Variants in APBB2 observed in about 807,000 individuals in gnomAD.
APBB2 encodes the protein Fe65-like 1.
APBB2 carries 38 observed loss-of-function variants against 82.5 expected under a neutral mutation model. The ratio of observed to expected loss-of-function variants is 0.46; its 90% CI spans 0.36 to 0.60. The LOEUF (loss-of-function observed/expected upper bound fraction) is 0.60, where lower values mean the gene tolerates loss of function less well. Among genes scored for constraint, APBB2 ranks in the 20% least tolerant of loss-of-function variants. The probability of loss-of-function intolerance (pLI) is 0.00; values close to 1 mark genes in which losing one functional copy is unlikely to be tolerated. For synonymous variants in APBB2, 341 were observed against 368.2 expected (o/e 0.93, Z 0.85); for missense variants, 772 against 972.3 (o/e 0.79, Z 2.74).
intron 2 of APBB2, among the ~76,000 whole-genome samples, chr4:41,109,013 T>C (rs1006754051): frequency 2.0e-4 from 31 of 152,220 alleles, no homozygotes; most frequent in African/African-American, 7.2e-4. Flanking sequence ...TTTCCATCTA[T>C]GGTGCTCACT....
intron 1 of APBB2, among the ~76,000 whole-genome samples, chr4:41,159,946 A>AAGGAGGAGAAGGAGG (rs1309076701): frequency 2.1e-5 from 1 of 47,562 alleles, no homozygotes; most frequent in African/African-American, 9.2e-5. Context: ...GGAGGAGGAG[A>AAGGAGGAGAAGGAGG]AGGAGAAGGA....
rs115514425 is a variant in APBB2, at chr4:40,996,021, C to T, written c.835+17562G>A. Among the ~76,000 whole-genome samples the T allele has an allele frequency of 6.3e-3, 967 of 152,310 alleles. 16 individuals are homozygous for T. Among genetic ancestry groups the T allele is most frequent in the African/African-American group, 0.021 (859 of 41,562 alleles). ...TAGAGCCTCTTAGCTAGATTGTTGG[C>T]CACAGTTATTTCACTGAGGTTACAT... is the stretch of plus-strand genomic sequence containing the variant. On this transcript the variant is annotated intron_variant, in intron 6 of 17. Transcript: ENST00000508593.
At chr4:41,001,663 C>T (rs57851735) in intron 6 of APBB2, among the ~76,000 whole-genome samples, 5,101 of 152,094 alleles carry the variant, frequency 0.034, 147 homozygotes, top group African/African-American at 0.083. Context: ...GGATCACCTA[C>T]GGTCGGGAGT....
intron 4 of APBB2, among the ~76,000 whole-genome samples, chr4:41,055,512 C>T (rs1214928540): frequency 6.6e-6 from 1 of 152,154 alleles, no homozygotes; most frequent in Non-Finnish European, 1.5e-5. Context: ...CCCTCTATAC[C>T]ACCCACTCTT....
chr4:40,882,452 A>G (rs1047237322), intron 12 of APBB2, among the ~76,000 whole-genome samples: 1 of 152,196 alleles, frequency 6.6e-6, no homozygotes, highest in African/African-American at 2.4e-5. Flanking sequence ...GAATCTCTGA[A>G]GAAGCCGTGT....
chr4:41,208,127 C>G (rs894749793), intron 1 of APBB2, among the ~76,000 whole-genome samples: 7 of 152,164 alleles, frequency 4.6e-5, no homozygotes, highest in African/African-American at 1.4e-4. Flanking sequence ...AGGGACACAT[C>G]CCATACCTCC....
chr4:41,009,315 T>C (rs1807664317), intron 6 of APBB2, among the ~76,000 whole-genome samples: 2 of 151,496 alleles, frequency 1.3e-5, no homozygotes, highest in African/African-American at 2.5e-5. Flanking sequence ...AGGCACTCTT[T>C]AACTTTTCTA....
At chr4:40,820,095 T>C (rs1036470734) in intron 17 of APBB2, among the ~76,000 whole-genome samples, 6 of 152,246 alleles carry the variant, frequency 3.9e-5, no homozygotes, top group Non-Finnish European at 7.3e-5. Flanking sequence ...ATCTCAGTCA[T>C]GCTGAATGCC....
chr4:40,856,337 C>G (rs1761175528), intron 12 of APBB2, among the ~76,000 whole-genome samples: 1 of 152,348 alleles, frequency 6.6e-6, no homozygotes, highest in Admixed American at 6.5e-5. Flanking sequence ...CAGATTCCCC[C>G]ACAAGCTAAT....
At chr4:41,003,288 A>G (rs908363355) in intron 6 of APBB2, among the ~76,000 whole-genome samples, 13 of 152,190 alleles carry the variant, frequency 8.5e-5, no homozygotes, top group African/African-American at 2.7e-4. Flanking sequence ...TATTCCACTC[A>G]AAGTCTCACA....
intron 10 of APBB2, among the ~76,000 whole-genome samples, chr4:40,921,006 G>C (rs1425773541): frequency 2.6e-5 from 4 of 152,180 alleles, no homozygotes; most frequent in Non-Finnish European, 5.9e-5. Context: ...TTTAGCAGTG[G>C]AACAGTGATC....
At chr4:41,027,404 T>TATTTATAA (rs1426043208) in intron 5 of APBB2, among the ~76,000 whole-genome samples, 1 of 130,514 alleles carries the variant, frequency 7.7e-6, no homozygotes, top group Non-Finnish European at 1.6e-5. Context: ...TATATATATA[T>TATTTATAA]AACATTTTCA....
intron 4 of APBB2, among the ~76,000 whole-genome samples, chr4:41,053,829 T>C (rs1314853845): frequency 6.6e-6 from 1 of 152,210 alleles, no homozygotes; most frequent in Non-Finnish European, 1.5e-5. Context: ...ACTCATCACT[T>C]TGAACTGTGA....
At chr4:40,865,419 G>C (rs1291984506) in intron 12 of APBB2, among the ~76,000 whole-genome samples, 1 of 152,024 alleles carries the variant, frequency 6.6e-6, no homozygotes, top group Non-Finnish European at 1.5e-5. Context: ...AAGACAGTAA[G>C]GGCTAAGGAG....
In APBB2 at chr4:40,815,936, C is replaced by A. The variant is rs116800756; in HGVS notation, c.*156G>T. The A allele has an allele frequency of 9.5e-4, 774 of 814,042 alleles. 6 individuals are homozygous for A. The African/African-American group carries it at 0.012, about 13-fold the overall frequency. The allele number at this position is 814,042 out of a possible 1,614,324, so 50.4% of individuals were successfully genotyped here. ...TTCATATCACATGATGGTGGCAAGACGAGAGAACATGCTTGTCTAACACTG... is the reference window on the plus strand; with the variant it reads ...TTCATATCACATGATGGTGGCAAGAAGAGAGAACATGCTTGTCTAACACTG... On this transcript the variant is annotated 3_prime_UTR_variant, in exon 18 of 18. Coordinates refer to ENST00000508593, the MANE Select transcript of APBB2 (RefSeq NM_004307.2).
intron 4 of APBB2, among the ~76,000 whole-genome samples, chr4:41,046,056 T>C (rs984553297): frequency 6.6e-6 from 1 of 152,210 alleles, no homozygotes; most frequent in Non-Finnish European, 1.5e-5. Flanking sequence ...GCTGGGTATA[T>C]AGATACCATA....
chr4:41,198,183 T>C, intron 1 of APBB2, among the ~76,000 whole-genome samples: 1 of 152,294 alleles, frequency 6.6e-6, no homozygotes, highest in East Asian at 1.9e-4. Flanking sequence ...TACATGTCTC[T>C]GAGGTCCACA....
intron 12 of APBB2, chr4:40,842,338 G>C (rs767324398): frequency 4.2e-5 from 19 of 455,278 alleles, no homozygotes; most frequent in South Asian, 2.9e-4. Context: ...AAGACACCAC[G>C]AAGGGGGGAG....
chr4:41,080,698 CTT>C (rs5857775), intron 3 of APBB2, among the ~76,000 whole-genome samples: 14 of 120,902 alleles, frequency 1.2e-4, no homozygotes, highest in African/African-American at 2.8e-4. Context: ...GTAAATGCTC[CTT>C]TTTTTTTTTT....
Sources: gnomAD v4.1 joint callset for allele counts (sites outside exome capture counted in the v4.1 genomes callset) on GRCh38, gnomAD v4.1.1 for gene constraint, MANE v1.5 for transcripts, NCBI Gene and HGNC (gene_info 2026-07-23, HGNC 2026-07-21) for gene names.